RBM19: variants seen among roughly 807,000 people sequenced by gnomAD.
RBM19 encodes the protein probable RNA-binding protein 19.
RBM19 carries 94 observed loss-of-function variants against 116.8 expected under a neutral mutation model. The ratio of observed to expected loss-of-function variants is 0.80; its 90% CI spans 0.68 to 0.95. RBM19 has a LOEUF of 0.95. Among genes scored for constraint, RBM19 ranks in the 40% least tolerant of loss-of-function variants. The pLI is 0.00. For synonymous variants in RBM19, 475 were observed against 494.1 expected (o/e 0.96, Z 0.51); for missense variants, 1,161 against 1,220.7 (o/e 0.95, Z 0.73).
rs534665319 is a variant in RBM19, at chr12:113,934,622, C to T, written c.2068+2385G>A. On this transcript the variant is annotated intron_variant, in intron 16 of 23. Coordinates refer to ENST00000261741, the MANE Select transcript of RBM19 (RefSeq NM_016196.4). Reference sequence around the variant, plus strand: ...GAGTGGCCATTCCAGGGGCAGAGTCCGACAGAGCAACACCGGGGAAAGGAA... The same window carrying T: ...GAGTGGCCATTCCAGGGGCAGAGTCTGACAGAGCAACACCGGGGAAAGGAA... Among the ~76,000 whole-genome samples, 104 of 152,212 alleles carry T rather than the reference C, an allele frequency of 6.8e-4. No homozygotes were observed. The Middle Eastern group carries it at 0.017, about 25-fold the overall frequency.
chr12:113,866,851 C>T lies in RBM19; in HGVS notation c.2559-7955G>A, dbSNP rs146703051. ...CCTTCTTCCAAAGAAGCTAGTGGTC[C>T]AGATTATTTTAAGAAATGAGATTTT... On this transcript the variant is annotated intron_variant, in intron 21 of 23. Coordinates refer to ENST00000261741, the MANE Select transcript of RBM19 (RefSeq NM_016196.4). Among the ~76,000 whole-genome samples, 421 of 152,270 alleles carry T rather than the reference C, an allele frequency of 2.8e-3. 5 individuals carry two copies. Among genetic ancestry groups the T allele is most frequent in the African/African-American group, 9.8e-3 (406 of 41,548 alleles).
chr12:113,959,257 A>G lies in RBM19; in HGVS notation c.526T>C (p.Ser176Pro), dbSNP rs140272633. Residue 176 changes from serine (S) to proline (P), a missense_variant, in exon 5 of 24, where the codon TCT becomes CCT. By Grantham distance (74) the Ser-to-Pro change is moderately conservative. Transcript: ENST00000261741. ...ASDYLNFDSD[S>P]GQESEEEGAG... is the part of the protein sequence containing the mutation. ...CCCTCCTCCTCACTCTCCTGCCCAG[A>G]ATCGGAGTCGAAGTTCAGGTAGTCA... 5.0e-6 allele frequency: 8 copies of G among 1,613,342 alleles called. No homozygotes were observed. The African/African-American group carries it at 8.0e-5, about 16-fold the overall frequency.
intron 21 of RBM19, among the ~76,000 whole-genome samples, chr12:113,914,228 G>C (rs1038515821): frequency 6.6e-6 from 1 of 152,250 alleles, no homozygotes; most frequent in African/African-American, 2.4e-5. Context: ...CGAAGCCTGA[G>C]TTCCTGCATG....
rs774756692 is a variant in RBM19, at chr12:113,957,896, G to C, written c.726C>G (p.Ala242=). 2 of 1,613,938 alleles carry C rather than the reference G, an allele frequency of 1.2e-6. No individual in the cohort carries two copies. Among genetic ancestry groups the C allele is most frequent in the Admixed American group, 3.3e-5 (2 of 59,984 alleles). The change falls in exon 6 of 24, where the codon GCC becomes GCG. Residue 242 remains alanine, a synonymous_variant. Transcript: ENST00000261741. ...GGGTGGCGGAGGAATCCTCTTCCTC[G>C]GCCTCACTCCCTTCATCACAGTGCA... ...EAVHCDEGSE[A]EEEDSSATPV...
Position 113,959,894 on chromosome 12 carries a change from T to TC in RBM19, c.348dup (p.Lys117GlufsTer36). On this transcript the variant is annotated frameshift_variant, in exon 4 of 24. Coordinates refer to ENST00000261741, the MANE Select transcript of RBM19 (RefSeq NM_016196.4). LOFTEE classifies it high-confidence loss of function. ...TCCAGTTGACCTGCCACCTTTTTCT[T>TC]CTTCTCATCCTGAAAACAGAAGGCA... The TC allele has an allele frequency of 6.2e-7, 1 of 1,614,156 alleles. No homozygotes were observed. The highest frequency in any genetic ancestry group is 8.5e-7 in the Non-Finnish European group (1 of 1,180,042).
Position 113,940,048 on chromosome 12 carries a change from A to T in RBM19, c.1850T>A (p.Leu617Gln), listed in dbSNP as rs1450259414. 1.2e-6 allele frequency: 2 copies of T among 1,613,990 alleles called. No homozygotes were observed. Among genetic ancestry groups the T allele is most frequent in the African/African-American group, 1.3e-5 (1 of 74,960 alleles). Residue 617 changes from leucine (L) to glutamine (Q), a missense_variant, in exon 15 of 24, where the codon CTG becomes CAG. By Grantham distance (113) the Leu-to-Gln change is moderately radical. Transcript: ENST00000261741. ...GGCAGTGATTCCGCCCTCTGGCAGC[A>T]GCACGCGGCCCAGGCTGCCAAAATG... Reference protein sequence around the residue: ...FGHFGSLGRVLLPEGGITAIV... With the variant: ...FGHFGSLGRVQLPEGGITAIV...
intron 16 of RBM19, among the ~76,000 whole-genome samples, chr12:113,928,718 C>G (rs957269151): frequency 2.6e-5 from 4 of 151,018 alleles, no homozygotes; most frequent in African/African-American, 9.7e-5. Flanking sequence ...TGCAGTGGCG[C>G]TAAGCATGTA....
chr12:113,914,675 C>A (rs1486040163), intron 21 of RBM19, among the ~76,000 whole-genome samples: 3 of 152,204 alleles, frequency 2.0e-5, no homozygotes, highest in Non-Finnish European at 4.4e-5. Context: ...GCCACTGGGG[C>A]CCCTGCCCCT....
At chr12:113,960,449 A>T (rs1305250659) in intron 2 of RBM19, among the ~76,000 whole-genome samples, 2 of 152,226 alleles carry the variant, frequency 1.3e-5, no homozygotes, top group African/African-American at 2.4e-5. Context: ...GTACTGTCTG[A>T]AGTGCTCTGC....
intron 21 of RBM19, among the ~76,000 whole-genome samples, chr12:113,885,972 A>G (rs1448959351): frequency 2.0e-5 from 3 of 148,980 alleles, no homozygotes; most frequent in Non-Finnish European, 4.4e-5. Context: ...GGGTTCATGC[A>G]ATTCTCCTGC....
intron 18 of RBM19, among the ~76,000 whole-genome samples, chr12:113,922,773 C>A (rs950393466): frequency 5.9e-5 from 9 of 152,130 alleles, no homozygotes; most frequent in African/African-American, 2.2e-4. Context: ...CATGTAGAAT[C>A]CTGACCCCCA....
intron 16 of RBM19, among the ~76,000 whole-genome samples, chr12:113,932,395 G>GAA (rs1368364450): frequency 1.3e-5 from 2 of 152,204 alleles, no homozygotes; most frequent in African/African-American, 2.4e-5. Flanking sequence ...TGCTGAGAGA[G>GAA]AAATCCAGGG....
At chr12:113,842,904 C>A (rs367854169) in intron 23 of RBM19, among the ~76,000 whole-genome samples, 1 of 152,102 alleles carries the variant, frequency 6.6e-6, no homozygotes, top group Non-Finnish European at 1.5e-5. Flanking sequence ...GAACAATGAA[C>A]TCTGTGGGAG....
At chr12:113,845,162 C>T (rs913119599) in intron 22 of RBM19, among the ~76,000 whole-genome samples, 1 of 152,296 alleles carries the variant, frequency 6.6e-6, no homozygotes, top group East Asian at 1.9e-4. Flanking sequence ...GAGCCCTGGC[C>T]GGCTGCTGGA....
intron 21 of RBM19, among the ~76,000 whole-genome samples, chr12:113,886,784 C>G (rs1190000370): frequency 6.6e-6 from 1 of 152,158 alleles, no homozygotes; most frequent in African/African-American, 2.4e-5. Flanking sequence ...GGGTCCACCT[C>G]CAAGAGAATC....
In RBM19 at chr12:113,950,149, T is replaced by C. The variant is rs763155552; in HGVS notation, c.1006A>G (p.Ile336Val). The C allele has an allele frequency of 8.1e-6, 13 of 1,608,446 alleles. No individual in the cohort carries two copies. Among genetic ancestry groups the C allele is most frequent in the Middle Eastern group, 3.3e-4 (2 of 6,050 alleles). The change falls in exon 9 of 24, where the codon ATC (isoleucine) becomes GTC (valine). Residue 336 changes from isoleucine (I) to valine (V), a missense_variant. By Grantham distance (29) the Ile-to-Val change is conservative (BLOSUM62 3). Transcript: ENST00000261741. ...RNAHGNKTGY[I>V]FVDFSNEEEV... Reference sequence around the variant, plus strand: ...TCTTCATTGCTGAAATCCACAAAGATGTATCCTGACAGAGGACAATGACAG... The same window carrying C: ...TCTTCATTGCTGAAATCCACAAAGACGTATCCTGACAGAGGACAATGACAG...
chr12:113,952,571 A>G lies in RBM19; in HGVS notation c.941T>C (p.Leu314Pro). ...NVTEKNVMEF[L>P]APLKPVAIRI... The stretch of plus-strand genomic sequence containing the variant: ...AATGGCCACTGGTTTCAGGGGTGCC[A>G]GGAATTCCATAACATTTTTCTGTGA... The change falls in exon 8 of 24, where the codon CTG (leucine) becomes CCG (proline). Residue 314 changes from leucine to proline, a missense_variant. Physicochemically the swap from Leu to Pro is moderately conservative, Grantham distance 98. Coordinates refer to ENST00000261741, the MANE Select transcript of RBM19 (RefSeq NM_016196.4). 6.2e-7 allele frequency: 1 copy of G among 1,613,288 alleles called. No homozygotes were observed. The highest frequency in any genetic ancestry group is 2.2e-5 in the East Asian group (1 of 44,852).
intron 13 of RBM19, among the ~76,000 whole-genome samples, chr12:113,943,835 A>C (rs1271387253): frequency 6.6e-6 from 1 of 152,114 alleles, no homozygotes; most frequent in African/African-American, 2.4e-5. Flanking sequence ...GGAGGGAGGG[A>C]AAATGTCTTG....
At chr12:113,881,667 C>T (rs745904741) in intron 21 of RBM19, among the ~76,000 whole-genome samples, 11 of 152,340 alleles carry the variant, frequency 7.2e-5, no homozygotes, top group South Asian at 2.1e-4. Context: ...GACGAAACTA[C>T]GGCCAGACAG....
Sources: gnomAD v4.1 joint callset for allele counts (sites outside exome capture counted in the v4.1 genomes callset) on GRCh38, gnomAD v4.1.1 for gene constraint, MANE v1.5 for transcripts, NCBI Gene and HGNC (gene_info 2026-07-23, HGNC 2026-07-21) for gene names.